Variants in JTB observed in about 807,000 individuals in gnomAD.
JTB encodes protein JTB.
Under a neutral mutation model 22.1 loss-of-function variants are expected in JTB, and 10 were observed. The ratio of observed to expected loss-of-function variants is 0.45; its 90% CI spans 0.28 to 0.77. The LOEUF is 0.77. JTB is among the 30% of genes least tolerant of loss of function. JTB has a pLI of 0.13. For missense variants in JTB, 137 were observed against 180.3 expected (o/e 0.76, Z 1.38); for synonymous variants, 83 against 66.8 (o/e 1.24, Z -1.18).
chr1:153,974,950 T>C (rs949987731), intron 4 of JTB, 115 bp from the exon 5 acceptor site: 5 of 1,003,216 alleles, frequency 5.0e-6, no homozygotes, highest in Non-Finnish European at 7.3e-6. Context: ...GAGCCAGGCT[T>C]CTATTGTGTG....
chr1:153,977,414 G>A lies in JTB; in HGVS notation c.-162C>T, dbSNP rs1648834206. The A allele has an allele frequency of 7.2e-7, 1 of 1,393,270 alleles. No individual in the cohort carries two copies. Among genetic ancestry groups the A allele is most frequent in the Non-Finnish European group, 9.3e-7 (1 of 1,078,240 alleles). The allele number at this position is 1,393,270 out of a possible 1,614,324, so 86.3% of individuals were successfully genotyped here. A position where few individuals can be genotyped will look rare whatever the true frequency, so the allele number is the denominator to read the frequency against. ...CCTATTGGAGCAGAGGATCTATCAGGACGTCCCCGTTGCCACAGCGAGAAA... is the reference window on the plus strand; with the variant it reads ...CCTATTGGAGCAGAGGATCTATCAGAACGTCCCCGTTGCCACAGCGAGAAA... On this transcript the variant is annotated 5_prime_UTR_variant, in exon 1 of 5. Transcript: ENST00000271843.
In JTB at chr1:153,975,922, A is replaced by G. The variant is rs370674490; in HGVS notation, c.205-17T>C. 3.1e-6 allele frequency: 5 copies of G among 1,590,478 alleles called. No individual in the cohort carries two copies. Among genetic ancestry groups the G allele is most frequent in the Non-Finnish European group, 4.3e-6 (5 of 1,158,592 alleles). Reference sequence around the variant, plus strand: ...GGTAGTTTTCTGCCAGGAGAAAAGGAGCAAAGTACATGTTAGGAAGGGGCA... The same window carrying G: ...GGTAGTTTTCTGCCAGGAGAAAAGGGGCAAAGTACATGTTAGGAAGGGGCA... On this transcript the variant is annotated splice_polypyrimidine_tract_variant and intron_variant, in intron 3 of 4. Transcript: ENST00000271843.
At chr1:153,977,068 C>T in intron 1 of JTB, 55 bp from the exon 2 acceptor site, 2 of 1,614,040 alleles carry the variant, frequency 1.2e-6, no homozygotes, top group Non-Finnish European at 1.7e-6. Context: ...ATAGGGCACC[C>T]CCTCCTGCGC....
At chr1:153,975,700 G>T in intron 4 of JTB, 126 bp downstream of exon 4, 1 of 760,712 alleles carries the variant, frequency 1.3e-6, no homozygotes, top group Non-Finnish European at 2.2e-6. Flanking sequence ...GATTATAGGT[G>T]TGAGCCCGGC....
rs532244434 is a variant in JTB, at chr1:153,974,345, A to G, written c.*334T>C. On this transcript the variant is annotated 3_prime_UTR_variant, in exon 5 of 5. Coordinates refer to ENST00000271843, the MANE Select transcript of JTB (RefSeq NM_006694.4). ...GAAATAAGTTTTGAGTGAGAAATAAACGTTTTAGCTGAAATTGTATCCCAG... is the reference window on the plus strand; with the variant it reads ...GAAATAAGTTTTGAGTGAGAAATAAGCGTTTTAGCTGAAATTGTATCCCAG... The G allele has an allele frequency of 2.3e-6, 1 of 429,994 alleles. No homozygotes were observed. The highest frequency in any genetic ancestry group is 3.7e-5 in the Admixed American group (1 of 26,984). The allele number at this position is 429,994 out of a possible 1,614,324, so 26.6% of individuals were successfully genotyped here.
Position 153,974,269 on chromosome 1 carries a change from TTC to T in JTB, c.*408_*409del, listed in dbSNP as rs1217381434. 2 of 530,636 alleles carry T rather than the reference TTC, an allele frequency of 3.8e-6. No individual in the cohort carries two copies. Among genetic ancestry groups the T allele is most frequent in the Non-Finnish European group, 6.7e-6 (2 of 299,106 alleles). 32.9% of individuals were successfully genotyped at this position (530,636 alleles called of 1,614,324 possible). On this transcript the variant is annotated 3_prime_UTR_variant, in exon 5 of 5. Coordinates refer to ENST00000271843, the MANE Select transcript of JTB (RefSeq NM_006694.4). The stretch of plus-strand genomic sequence containing the variant: ...ATATATGAGAGGGTACCTCAAATAC[TTC>T]TGTTATGTATCTGTGATTTTATTTC...
chr1:153,975,506 T>C (rs2102183304), intron 4 of JTB, among the ~76,000 whole-genome samples: 1 of 142,466 alleles, frequency 7.0e-6, no homozygotes, highest in East Asian at 2.2e-4. Flanking sequence ...CACTCTAACC[T>C]CTGCCTCCTG....
chr1:153,976,388 G>A (rs1217413872), intron 3 of JTB, among the ~76,000 whole-genome samples: 1 of 152,152 alleles, frequency 6.6e-6, no homozygotes, highest in Non-Finnish European at 1.5e-5. Flanking sequence ...TTGAACCCGG[G>A]AGGCGGAGGT....
At position 153,974,820 on chromosome 1, in the gene JTB, C is replaced by T. The variant is rs775931848; in HGVS notation, c.300G>A (p.Leu100=). 1 of 1,606,128 alleles carries T rather than the reference C, an allele frequency of 6.2e-7. No homozygotes were observed. Among genetic ancestry groups the T allele is most frequent in the African/African-American group, 1.3e-5 (1 of 74,828 alleles). ...RNEFKSCRSA[L]MEQRLFWKFE... ...ACTTCCAAAATAAGCGTTGTTCCAT[C>T]AAAGCTGAGCGGCAGCTGAGGGCAG... The change falls in exon 5 of 5, where the codon TTG becomes TTA. Residue 100 remains leucine (L), a synonymous_variant. Transcript: ENST00000271843.
At chr1:153,976,551 G>T in intron 3 of JTB, 142 bp downstream of exon 3, 1 of 697,762 alleles carries the variant, frequency 1.4e-6, no homozygotes, top group Non-Finnish European at 2.5e-6. Flanking sequence ...GACAAGTACA[G>T]ATTTGGACAT....
In JTB at chr1:153,977,268, G is replaced by A. The variant is rs1214845761; in HGVS notation, c.-16C>T. ...CCGCAAGCATGGAGCGCCAAGTGTC[G>A]CACCTGTCGGAACAGAGGGACCTAC... On this transcript the variant is annotated 5_prime_UTR_variant, in exon 1 of 5. Coordinates refer to ENST00000271843, the MANE Select transcript of JTB (RefSeq NM_006694.4). 20 of 1,613,374 alleles carry A rather than the reference G, an allele frequency of 1.2e-5. No individual in the cohort carries two copies. The highest frequency in any genetic ancestry group is 1.6e-5 in the Non-Finnish European group (19 of 1,179,810).
In JTB at chr1:153,974,559, G is replaced by A. The variant is rs1166158589; in HGVS notation, c.*120C>T. ...GCTCATTAATGATCTGAAAGAAGAAGATGGGGAAAAGGGGATTCCACCACA... is the reference window on the plus strand; with the variant it reads ...GCTCATTAATGATCTGAAAGAAGAAAATGGGGAAAAGGGGATTCCACCACA... On this transcript the variant is annotated 3_prime_UTR_variant, in exon 5 of 5. Transcript: ENST00000271843. 6.4e-6 allele frequency: 5 copies of A among 782,756 alleles called. No homozygotes were observed. Among genetic ancestry groups the A allele is most frequent in the Non-Finnish European group, 8.2e-6 (4 of 486,872 alleles). 48.5% of individuals were successfully genotyped at this position (782,756 alleles called of 1,614,324 possible).
intron 4 of JTB, among the ~76,000 whole-genome samples, chr1:153,975,443 C>G (rs556328726): frequency 1.0e-3 from 108 of 107,288 alleles, no homozygotes; most frequent in African/African-American, 3.1e-3. Flanking sequence ...TTTTTTTTGA[C>G]ACACAGTCTC....
At position 153,974,618 on chromosome 1, in the gene JTB, AT is replaced by A. The variant is rs552820616; in HGVS notation, c.*60del. 1.4e-4 allele frequency: 199 copies of A among 1,465,190 alleles called. 2 individuals carry two copies. The Admixed American group carries it at 3.5e-3, about 26-fold the overall frequency. The allele number at this position is 1,465,190 out of a possible 1,614,324, so 90.8% of individuals were successfully genotyped here. On this transcript the variant is annotated 3_prime_UTR_variant, in exon 5 of 5. Coordinates refer to ENST00000271843, the MANE Select transcript of JTB (RefSeq NM_006694.4). ...AAGAACCAAGAGTGCAAATCAGTCCATTTCACTTTCACTGTCTGAGATAGGG... is the reference window on the plus strand; with the variant it reads ...AAGAACCAAGAGTGCAAATCAGTCCATTCACTTTCACTGTCTGAGATAGGG...
At chr1:153,976,393 G>C (rs1003965762) in intron 3 of JTB, among the ~76,000 whole-genome samples, 1 of 152,078 alleles carries the variant, frequency 6.6e-6, no homozygotes, top group Non-Finnish European at 1.5e-5. Flanking sequence ...CCCGGGAGGC[G>C]GAGGTTGTGG....
Position 153,976,048 on chromosome 1 carries a change from G to A in JTB, c.205-143C>T, listed in dbSNP as rs568201015. On this transcript the variant is annotated intron_variant, in intron 3 of 4. Transcript: ENST00000271843. ...AGAGCTAATGAAAGAGTTCTGATGC[G>A]GATGGTGGAGGTGGTGGTTGCATGA... 1,278 of 638,822 alleles carry A rather than the reference G, an allele frequency of 2.0e-3. 29 individuals are homozygous for A. In the South Asian group the frequency reaches 0.02, roughly 10 times the overall value. The allele number at this position is 638,822 out of a possible 1,614,324, so 39.6% of individuals were successfully genotyped here.
chr1:153,977,298 C>A lies in JTB; in HGVS notation c.-46G>T. 1 of 1,604,666 alleles carries A rather than the reference C, an allele frequency of 6.2e-7. No homozygotes were observed. Among genetic ancestry groups the A allele is most frequent in the African/African-American group, 1.3e-5 (1 of 74,800 alleles). On this transcript the variant is annotated 5_prime_UTR_variant, in exon 1 of 5. Coordinates refer to ENST00000271843, the MANE Select transcript of JTB (RefSeq NM_006694.4). ...TGTCGGAACAGAGGGACCTACTCCA[C>A]AGGCCTCGTGCCTCCGTCGGAGCGC...
chr1:153,975,810 G>T lies in JTB; in HGVS notation c.284+16C>A. 1.2e-6 allele frequency: 2 copies of T among 1,603,412 alleles called. No homozygotes were observed. The highest frequency in any genetic ancestry group is 1.7e-6 in the Non-Finnish European group (2 of 1,170,360). On this transcript the variant is annotated intron_variant, in intron 4 of 4. Coordinates refer to ENST00000271843, the MANE Select transcript of JTB (RefSeq NM_006694.4). ...GAGCAAAGGAGGTGATCTCAGAGAA[G>T]AGAAACAGCACTCACCTTTTGAACT...
At position 153,976,963 on chromosome 1, in the gene JTB, G is replaced by T. The variant is rs1407426386; in HGVS notation, c.121+13C>A. On this transcript the variant is annotated intron_variant, in intron 2 of 4. Coordinates refer to ENST00000271843, the MANE Select transcript of JTB (RefSeq NM_006694.4). Reference sequence around the variant, plus strand: ...AACGACGGGACGTGTCGGGTTCCCAGACAATCACCCACCTGACAGCTTCTC... The same window carrying T: ...AACGACGGGACGTGTCGGGTTCCCATACAATCACCCACCTGACAGCTTCTC... 4.3e-6 allele frequency: 7 copies of T among 1,613,990 alleles called. No homozygotes were observed. The highest frequency in any genetic ancestry group is 3.3e-5 in the Admixed American group (2 of 59,998).
Sources: allele counts gnomAD v4.1 joint callset (sites outside exome capture counted in the v4.1 genomes callset), GRCh38; gene constraint gnomAD v4.1.1; transcripts MANE v1.5; gene names NCBI Gene and HGNC (gene_info 2026-07-23, HGNC 2026-07-21).